The following CMSS1 variants were observed in gnomAD, a reference collection of about 807,000 sequenced individuals.
The protein encoded by CMSS1 is protein CMSS1.
A neutral mutation model predicts 43.5 loss-of-function variants in CMSS1; 33 were observed. That is an observed-to-expected ratio of 0.76 (90% CI 0.57 to 1.01). The LOEUF (loss-of-function observed/expected upper bound fraction) is 1.01, where lower values mean the gene tolerates loss of function less well. CMSS1 is among the 50% of genes least tolerant of loss of function. The probability of loss-of-function intolerance (pLI) is 0.00; values close to 1 mark genes in which losing one functional copy is unlikely to be tolerated. For synonymous variants in CMSS1, 115 were observed against 117.2 expected (o/e 0.98, Z 0.12); for missense variants, 313 against 326.4 (o/e 0.96, Z 0.32).
intron 2 of CMSS1, among the ~76,000 whole-genome samples, chr3:100,151,046 C>G (rs778813717): frequency 8.5e-5 from 13 of 152,102 alleles, no homozygotes; most frequent in Non-Finnish European, 1.9e-4. Flanking sequence ...TCTCCCTTTC[C>G]CTTCTTGCTC....
intron 1 of CMSS1, among the ~76,000 whole-genome samples, chr3:99,861,854 CA>C (rs976481492): frequency 7.9e-5 from 12 of 152,302 alleles, no homozygotes; most frequent in Admixed American, 7.8e-4. Context: ...CCCGGCTTTC[CA>C]ACTTCTGTCT....
At chr3:99,842,606 G>C (rs548380789) in intron 1 of CMSS1, among the ~76,000 whole-genome samples, 1 of 151,548 alleles carries the variant, frequency 6.6e-6, no homozygotes, top group Non-Finnish European at 1.5e-5. Flanking sequence ...AAGAAAACTA[G>C]TTTCAGTTTT....
At chr3:100,115,531 T>C (rs1224257745) in intron 1 of CMSS1, among the ~76,000 whole-genome samples, 1 of 151,804 alleles carries the variant, frequency 6.6e-6, no homozygotes, top group East Asian at 1.9e-4. Flanking sequence ...ATTTTACCAC[T>C]GGTTGTATTC....
At chr3:100,075,187 A>T (rs2065830470) in intron 1 of CMSS1, among the ~76,000 whole-genome samples, 1 of 152,250 alleles carries the variant, frequency 6.6e-6, no homozygotes, top group African/African-American at 2.4e-5. Context: ...GAAATGATCA[A>T]CCTGAAACAC....
chr3:100,028,941 A>G (rs971522385), intron 1 of CMSS1, among the ~76,000 whole-genome samples: 3 of 152,204 alleles, frequency 2.0e-5, no homozygotes, highest in African/African-American at 7.2e-5. Context: ...ATATACATAT[A>G]TATCCTGTTG....
chr3:100,139,529 A>G (rs1250544327), intron 1 of CMSS1, among the ~76,000 whole-genome samples: 3 of 129,352 alleles, frequency 2.3e-5, no homozygotes, highest in East Asian at 2.3e-4. Context: ...TAAAAAAAAA[A>G]TGTGTGTGTG....
intron 1 of CMSS1, among the ~76,000 whole-genome samples, chr3:100,066,339 C>CT (rs1468163094): frequency 2.0e-5 from 3 of 152,072 alleles, no homozygotes; most frequent in Non-Finnish European, 4.4e-5. Context: ...GACAGTTACA[C>CT]TTTTTTATTT....
chr3:100,064,306 G>A (rs138254592), intron 1 of CMSS1, among the ~76,000 whole-genome samples: 7 of 152,036 alleles, frequency 4.6e-5, no homozygotes, highest in African/African-American at 1.2e-4. Context: ...AACTTCTGAC[G>A]ATTTCCTGTG....
intron 8 of CMSS1, among the ~76,000 whole-genome samples, chr3:100,173,933 T>C (rs1232821107): frequency 6.6e-6 from 1 of 152,182 alleles, no homozygotes. Context: ...GGGATAGTAA[T>C]AGTAGCTACT....
intron 6 of CMSS1, 75 bp downstream of exon 6, chr3:100,167,915 G>A (rs1191781311): frequency 8.1e-6 from 8 of 991,456 alleles, no homozygotes; most frequent in Non-Finnish European, 7.6e-6. Flanking sequence ...TATGTTCTAT[G>A]TGCTGGAGAT....
intron 1 of CMSS1, among the ~76,000 whole-genome samples, chr3:100,057,219 A>G (rs2065479888): frequency 6.6e-6 from 1 of 152,044 alleles, no homozygotes; most frequent in Non-Finnish European, 1.5e-5. Flanking sequence ...GTGACTAAAG[A>G]CCCGTCCCGT....
chr3:99,903,472 G>A (rs112123250), intron 1 of CMSS1, among the ~76,000 whole-genome samples: 2 of 152,084 alleles, frequency 1.3e-5, no homozygotes, highest in Admixed American at 6.5e-5. Flanking sequence ...GGCTGGTCTC[G>A]AACCCCTGAC....
intron 1 of CMSS1, among the ~76,000 whole-genome samples, chr3:99,996,086 A>G (rs1442140420): frequency 1.3e-5 from 2 of 152,128 alleles, no homozygotes; most frequent in Non-Finnish European, 2.9e-5. Flanking sequence ...TTAGGCTGCA[A>G]ATTTTCCAAA....
rs563905673 is a variant in CMSS1, at chr3:99,846,912, G to T, written c.64+28869G>T. On this transcript the variant is annotated intron_variant, in intron 1 of 9. Transcript: ENST00000421999. ...GCAATAAGCTACTTTGTCTGAAATC[G>T]TCGTTTTGGAATGTGACTTGGGGAC... 1.8e-4 allele frequency among the ~76,000 whole-genome samples: 28 copies of T among 152,276 alleles called. No individual in the cohort carries two copies. In the East Asian group the frequency reaches 3.7e-3, roughly 20 times the overall value.
chr3:99,823,001 T>C (rs557468839), intron 1 of CMSS1, among the ~76,000 whole-genome samples: 1 of 152,214 alleles, frequency 6.6e-6, no homozygotes, highest in Non-Finnish European at 1.5e-5. Flanking sequence ...CTGTGATTCA[T>C]ATGCAGGCAG....
intron 1 of CMSS1, among the ~76,000 whole-genome samples, chr3:100,126,134 C>G (rs147736650): frequency 6.6e-6 from 1 of 152,328 alleles, no homozygotes; most frequent in East Asian, 1.9e-4. Context: ...AGTCCTAGAA[C>G]TGTTCCTACA....
intron 1 of CMSS1, among the ~76,000 whole-genome samples, chr3:100,017,898 G>A (rs1710391701): frequency 6.6e-6 from 1 of 152,114 alleles, no homozygotes; most frequent in Non-Finnish European, 1.5e-5. Context: ...CAGTTTTCCT[G>A]GATCTGTAGC....
intron 1 of CMSS1, among the ~76,000 whole-genome samples, chr3:100,122,800 T>G (rs541231172): frequency 2.0e-5 from 3 of 152,338 alleles, no homozygotes; most frequent in African/African-American, 7.2e-5. Context: ...GTCAGGGTGG[T>G]CCTGGTTAAA....
At chr3:99,971,048 A>G (rs1183074965) in intron 1 of CMSS1, among the ~76,000 whole-genome samples, 1 of 152,088 alleles carries the variant, frequency 6.6e-6, no homozygotes, top group East Asian at 1.9e-4. Context: ...CTCTTAAGAG[A>G]ATATGGGGGC....
Sources: gnomAD v4.1 joint callset for allele counts (sites outside exome capture counted in the v4.1 genomes callset) on GRCh38, gnomAD v4.1.1 for gene constraint, MANE v1.5 for transcripts, NCBI Gene and HGNC (gene_info 2026-07-23, HGNC 2026-07-21) for gene names.